The following MALRD1 variants were observed in gnomAD, a reference collection of about 807,000 sequenced individuals.
MALRD1 encodes MAM and LDL-receptor class A domain-containing protein 1.
In MALRD1, 247 loss-of-function variants were observed where a neutral mutation model predicts 242.1. The ratio of observed to expected loss-of-function variants is 1.02; its 90% CI spans 0.92 to 1.13. MALRD1 has a LOEUF of 1.13. MALRD1 is among the 50% of genes most tolerant of loss of function. MALRD1 has a pLI of 0.00. For missense variants in MALRD1, 2,989 were observed against 2,533.1 expected (o/e 1.18, Z -3.86); for synonymous variants, 995 against 866.6 (o/e 1.15, Z -2.60).
chr10:19,730,574 A>G lies in MALRD1; in HGVS notation c.6315-132A>G, dbSNP rs1224736740. ...ATAAAAAACAAACTTTACTTATGGT[A>G]ATACATTCATGAAAATAAGTGTGCT... is the stretch of plus-strand genomic sequence containing the variant. On this transcript the variant is annotated intron_variant, in intron 38 of 39. Coordinates refer to ENST00000454679, the MANE Select transcript of MALRD1 (RefSeq NM_001142308.3). 6 of 914,142 alleles carry G rather than the reference A, an allele frequency of 6.6e-6. No homozygotes were observed. The Admixed American group carries it at 1.0e-4, about 15-fold the overall frequency. The allele number at this position is 914,142 out of a possible 1,614,324, so 56.6% of individuals were successfully genotyped here.
intron 38 of MALRD1, chr10:19,730,435 A>T (rs1185505445): frequency 1.1e-5 from 5 of 468,758 alleles, no homozygotes; most frequent in South Asian, 8.2e-5. Context: ...CATTAAGACT[A>T]ACTTTTGCAA....
At chr10:19,457,877 T>C (rs138678279) in intron 29 of MALRD1, among the ~76,000 whole-genome samples, 81 of 152,134 alleles carry the variant, frequency 5.3e-4, no homozygotes, top group Middle Eastern at 6.8e-3. Flanking sequence ...TTAAAATTTT[T>C]TAATATTCAA....
intron 21 of MALRD1, among the ~76,000 whole-genome samples, chr10:19,311,443 A>C (rs1270062128): frequency 6.6e-6 from 1 of 151,464 alleles, no homozygotes; most frequent in East Asian, 1.9e-4. Context: ...ATTAAATACA[A>C]AATTTTCTAA....
At chr10:19,491,964 G>A (rs944370571) in intron 30 of MALRD1, among the ~76,000 whole-genome samples, 2 of 151,286 alleles carry the variant, frequency 1.3e-5, no homozygotes, top group Admixed American at 6.6e-5. Context: ...AACTGCAGTA[G>A]CAATCTGCCT....
chr10:19,046,979 C>T (rs1834353480), upstream of MALRD1, among the ~76,000 whole-genome samples: 1 of 152,096 alleles, frequency 6.6e-6, no homozygotes, highest in African/African-American at 2.4e-5. Context: ...TTGAGCCTTG[C>T]AGGGTAAGCT....
At chr10:19,480,129 G>A (rs11592961) in intron 29 of MALRD1, among the ~76,000 whole-genome samples, 48,233 of 152,072 alleles carry the variant, frequency 0.32, 8,287 homozygotes, top group East Asian at 0.41. Flanking sequence ...GTGCATCTCC[G>A]GACCACACAT....
At chr10:19,488,481 A>C (rs566781883) in intron 29 of MALRD1, 1 of 153,286 alleles carries the variant, frequency 6.5e-6, no homozygotes, top group East Asian at 1.9e-4. Context: ...CAAAGATGGC[A>C]GTGAGAAAGG....
chr10:19,727,934 A>G (rs1194706924), intron 38 of MALRD1, among the ~76,000 whole-genome samples: 1 of 152,194 alleles, frequency 6.6e-6, no homozygotes, highest in Non-Finnish European at 1.5e-5. Flanking sequence ...GTTGATGAAA[A>G]TGGAAAATCA....
In MALRD1 at chr10:19,205,133, C is replaced by G; in HGVS notation, c.2446C>G (p.Leu816Val). Residue 816 changes from leucine to valine, a missense_variant, in exon 17 of 40, where the codon CTC becomes GTC. By Grantham distance (32) the Leu-to-Val change is conservative. Coordinates refer to ENST00000454679, the MANE Select transcript of MALRD1 (RefSeq NM_001142308.3). The part of the protein sequence containing the change: ...IDDIRFENCT[L>V]PLPAESCEGL... ...TGACATCCGATTTGAAAATTGTACTCTCCCTCTTCCTGCTGAGAGCTGTGA... is the reference window on the plus strand; with the variant it reads ...TGACATCCGATTTGAAAATTGTACTGTCCCTCTTCCTGCTGAGAGCTGTGA... 1 of 1,550,784 alleles carries G rather than the reference C, an allele frequency of 6.4e-7. No homozygotes were observed. Among genetic ancestry groups the G allele is most frequent in the South Asian group, 1.2e-5 (1 of 84,062 alleles).
chr10:19,367,493 A>G (rs1411741751), intron 26 of MALRD1, among the ~76,000 whole-genome samples: 1 of 151,776 alleles, frequency 6.6e-6, no homozygotes, highest in African/African-American at 2.4e-5. Flanking sequence ...TTTTTACCAC[A>G]TTTTCTTTAT....
intron 28 of MALRD1, among the ~76,000 whole-genome samples, chr10:19,430,924 A>G (rs1409860569): frequency 2.0e-5 from 3 of 152,202 alleles, no homozygotes; most frequent in African/African-American, 7.2e-5. Context: ...GATGCGCCAT[A>G]TATGAGTTGA....
intron 18 of MALRD1, among the ~76,000 whole-genome samples, chr10:19,238,866 C>T (rs72788026): frequency 0.078 from 11,790 of 151,248 alleles, 600 homozygotes; most frequent in Non-Finnish European, 0.11. Flanking sequence ...TCCCTTTTCT[C>T]CACTTCCTTG....
intron 26 of MALRD1, among the ~76,000 whole-genome samples, chr10:19,370,783 G>A (rs1845337554): frequency 2.0e-5 from 3 of 152,034 alleles, no homozygotes; most frequent in Non-Finnish European, 2.9e-5. Context: ...TGCCCCATTG[G>A]TCTGGCTGGA....
intron 14 of MALRD1, among the ~76,000 whole-genome samples, chr10:19,188,269 A>G (rs1835823550): frequency 2.0e-5 from 3 of 152,226 alleles, no homozygotes; most frequent in Admixed American, 6.5e-5. Flanking sequence ...AGCAAGGAAA[A>G]TAGCCTACTA....
At chr10:19,118,516 C>G (rs1329719304) in intron 5 of MALRD1, among the ~76,000 whole-genome samples, 1 of 152,144 alleles carries the variant, frequency 6.6e-6, no homozygotes, top group Non-Finnish European at 1.5e-5. Context: ...GACCTGGAAT[C>G]AATAGAAAGT....
At chr10:19,530,415 A>AGATAT (rs1564417377) in intron 31 of MALRD1, among the ~76,000 whole-genome samples, 1 of 19,342 alleles carries the variant, frequency 5.2e-5, no homozygotes, top group African/African-American at 1.3e-4. Context: ...ATATTTATAT[A>AGATAT]ATAATAAATA....
chr10:19,365,917 C>T (rs1034464806), intron 26 of MALRD1, among the ~76,000 whole-genome samples: 5 of 151,998 alleles, frequency 3.3e-5, no homozygotes, highest in Non-Finnish European at 5.9e-5. Context: ...CACTCAGAGG[C>T]AACCAGTATT....
chr10:19,491,761 A>G (rs1837504431), intron 30 of MALRD1, 116 bp downstream of exon 30: 2 of 1,184,244 alleles, frequency 1.7e-6, no homozygotes, highest in Non-Finnish European at 2.3e-6. Context: ...GCACTAGAGT[A>G]GATTTAGAAT....
chr10:19,734,163 G>T lies in MALRD1; in HGVS notation c.6397G>T (p.Val2133Phe). Residue 2133 changes from valine (V) to phenylalanine (F), a missense_variant, in exon 40 of 40, where the codon GTC (valine) becomes TTC (phenylalanine). By Grantham distance (50) the Val-to-Phe change is conservative. Transcript: ENST00000454679. Reference protein sequence around the residue: ...WSNPEKTESSVYSFSNPLYGT... With the variant: ...WSNPEKTESSFYSFSNPLYGT... ...ATGTGTTTTTCTTCGTCAGAGTTCT[G>T]TCTATTCCTTCTCAAACCCATTATA... is the stretch of plus-strand genomic sequence containing the variant. The T allele has an allele frequency of 2.6e-6, 4 of 1,534,526 alleles. No homozygotes were observed. The highest frequency in any genetic ancestry group is 3.5e-6 in the Non-Finnish European group (4 of 1,146,222).
Sources: gnomAD v4.1 joint callset for allele counts (sites outside exome capture counted in the v4.1 genomes callset) on GRCh38, gnomAD v4.1.1 for gene constraint, MANE v1.5 for transcripts, NCBI Gene and HGNC (gene_info 2026-07-23, HGNC 2026-07-21) for gene names.